The following DAB2IP variants were observed in gnomAD, a reference collection of about 807,000 sequenced individuals.
DAB2IP encodes the protein DAB2 interacting protein, also known as disabled homolog 2-interacting protein.
Under a neutral mutation model 107.2 loss-of-function variants are expected in DAB2IP, and 28 were observed. That is an observed-to-expected ratio of 0.26 (90% CI 0.19 to 0.36). DAB2IP has a LOEUF of 0.36. Among genes scored for constraint, DAB2IP ranks in the 10% least tolerant of loss-of-function variants. The probability of loss-of-function intolerance (pLI) is 1.00; values close to 1 mark genes in which losing one functional copy is unlikely to be tolerated. For missense variants in DAB2IP, 1,400 were observed against 1,644.7 expected (o/e 0.85, Z 2.57); for synonymous variants, 755 against 706.4 (o/e 1.07, Z -1.09).
rs927024222 is a variant in DAB2IP at position 121,760,330 on chromosome 9, A to G, written c.1061A>G (p.Asn354Ser). The change falls in exon 6 of 16, where the codon AAC (asparagine) becomes AGC (serine). Residue 354 changes from asparagine to serine, a missense_variant. Coordinates refer to ENST00000408936, the Ensembl canonical transcript of DAB2IP. The surrounding 1 kb of genome is among the most constrained non-coding windows in gnomAD (Gnocchi z 5.9). ...AAAGAGTTCGCTGAGCACATCACCAACCACTACCTGGGGCTGTGTGCAGCC... is the reference window on the plus strand; with the variant it reads ...AAAGAGTTCGCTGAGCACATCACCAGCCACTACCTGGGGCTGTGTGCAGCC... 1.9e-6 allele frequency: 3 copies of G among 1,613,436 alleles called. No homozygotes were observed. Among genetic ancestry groups the G allele is most frequent in the African/African-American group, 1.3e-5 (1 of 75,008 alleles).
rs1483052038 is a variant in DAB2IP at position 121,699,478 on chromosome 9, C to CGCA, written c.362+20_362+21insGCA. 2 of 1,296,184 alleles carry CGCA rather than the reference C, an allele frequency of 1.5e-6. No individual in the cohort carries two copies. The highest frequency in any genetic ancestry group is 2.0e-6 in the Non-Finnish European group (2 of 1,016,886). The allele number at this position is 1,296,184 out of a possible 1,614,324, so 80.3% of individuals were successfully genotyped here. A position where few individuals can be genotyped will look rare whatever the true frequency, so the allele number is the denominator to read the frequency against. ...TGAGAGGTGAGCCCGCCGCCGCCGC[C>CGCA]CGGTCCCCCGCGCCGCCGCCCCGGG... On this transcript the variant is annotated intron_variant, in intron 3 of 15. Transcript: ENST00000408936. The surrounding 1 kb of genome is among the most constrained non-coding windows in gnomAD (Gnocchi z 6.2).
chr9:121,649,499 C>T, upstream of DAB2IP, among the ~76,000 whole-genome samples: 2 of 102,906 alleles, frequency 1.9e-5, 1 homozygote, highest in South Asian at 9.1e-4. Flanking sequence ...CTCCCGTCCC[C>T]TCCAGGGAGG....
At chr9:121,773,358 C>G in exon 12 of DAB2IP, 5 of 1,590,368 alleles carry the variant, frequency 3.1e-6, no homozygotes, top group Non-Finnish European at 4.3e-6. Flanking sequence ...GAGCACCCTG[C>G]AGTACCCAAG....
At chr9:121,606,376 A>AATAATG (rs1830871530) in intron 1 of DAB2IP, among the ~76,000 whole-genome samples, 1 of 151,854 alleles carries the variant, frequency 6.6e-6, no homozygotes, top group Non-Finnish European at 1.5e-5. Flanking sequence ...TAATAATAAT[A>AATAATG]ATAATAATGT....
intron 13 of DAB2IP, 68 bp downstream of exon 13, chr9:121,774,480 C>G (rs1835043481): frequency 6.7e-7 from 1 of 1,485,784 alleles, no homozygotes; most frequent in South Asian, 1.4e-5. Context: ...GTAGGAGTCT[C>G]TCCCCCAGGT....
chr9:121,783,148 G>T, exon 16 of DAB2IP: 2 of 1,053,680 alleles, frequency 1.9e-6, no homozygotes, highest in South Asian at 3.4e-5. Flanking sequence ...CTCTGAACCT[G>T]TCCCCAGAGC....
intron 2 of DAB2IP, among the ~76,000 whole-genome samples, chr9:121,689,162 C>T (rs1366226903): frequency 6.6e-6 from 1 of 152,068 alleles, no homozygotes; most frequent in Non-Finnish European, 1.5e-5. Context: ...GGCGTGGTAG[C>T]GCATGCCTGT....
chr9:121,686,804 G>A (rs1365424888), intron 2 of DAB2IP, among the ~76,000 whole-genome samples: 1 of 152,172 alleles, frequency 6.6e-6, no homozygotes, highest in Non-Finnish European at 1.5e-5. Context: ...CTTGTGTGAG[G>A]GGTGCACCTC....
chr9:121,608,017 C>A (rs142711756), intron 1 of DAB2IP, among the ~76,000 whole-genome samples: 2 of 152,240 alleles, frequency 1.3e-5, no homozygotes, highest in South Asian at 2.1e-4. Context: ...GCGCTGCTTC[C>A]GGGAGGAGAG....
chr9:121,622,145 C>G (rs560730283), intron 1 of DAB2IP, among the ~76,000 whole-genome samples: 1 of 151,868 alleles, frequency 6.6e-6, no homozygotes, highest in Non-Finnish European at 1.5e-5. Context: ...TGTGCCACCA[C>G]GCTCGGCTAA....
intron 1 of DAB2IP, among the ~76,000 whole-genome samples, chr9:121,637,936 G>C (rs889391783): frequency 2.6e-5 from 4 of 152,170 alleles, no homozygotes; most frequent in African/African-American, 7.2e-5. Flanking sequence ...GCAGGTTCAT[G>C]ATGCACGAGG....
At chr9:121,770,833 C>G (rs560426250) in intron 11 of DAB2IP, 109 bp downstream of exon 11, 19 of 1,402,746 alleles carry the variant, frequency 1.4e-5, no homozygotes, top group Non-Finnish European at 1.6e-5. Flanking sequence ...GTTTATAAAA[C>G]AAGCCTGGCA....
chr9:121,643,962 G>C (rs1445879157), intron 1 of DAB2IP, among the ~76,000 whole-genome samples: 2 of 152,184 alleles, frequency 1.3e-5, no homozygotes, highest in Non-Finnish European at 2.9e-5. Flanking sequence ...AAGGCCAGGA[G>C]TTCGAGACCA....
At chr9:121,750,728 G>A (rs142092903) in intron 3 of DAB2IP, among the ~76,000 whole-genome samples, 1 of 152,182 alleles carries the variant, frequency 6.6e-6, no homozygotes, top group African/African-American at 2.4e-5. Flanking sequence ...TGTAAGTTTC[G>A]GTTTGGGGTC....
At chr9:121,753,702 G>A (rs1318002638) in intron 3 of DAB2IP, among the ~76,000 whole-genome samples, 1 of 152,212 alleles carries the variant, frequency 6.6e-6, no homozygotes, top group Non-Finnish European at 1.5e-5. Context: ...AAAAAGGGAT[G>A]TGCAAGTGAC....
intron 14 of DAB2IP, among the ~76,000 whole-genome samples, chr9:121,778,741 T>C (rs1835385138): frequency 6.6e-6 from 1 of 152,236 alleles, no homozygotes; most frequent in South Asian, 2.1e-4. Flanking sequence ...ACTATTTGTG[T>C]GAGATGGCTA....
chr9:121,766,355 C>T (rs951362090), intron 8 of DAB2IP, 139 bp from the exon 9 acceptor site: 11 of 757,136 alleles, frequency 1.5e-5, no homozygotes, highest in African/African-American at 8.7e-5. Context: ...TGGCTGTGTC[C>T]TCAGAGCTCA....
intron 3 of DAB2IP, among the ~76,000 whole-genome samples, chr9:121,719,248 G>A (rs1830784576): frequency 6.6e-6 from 1 of 152,222 alleles, no homozygotes; most frequent in South Asian, 2.1e-4. Context: ...TGTACCCAAG[G>A]ACACGTAAGA....
chr9:121,635,550 G>A lies in DAB2IP; in HGVS notation c.41-43128G>A, dbSNP rs1832056795. Reference sequence around the variant, plus strand: ...GAGTGAAGGAGGCACTGGCTTTGCTGCCAACATGGCCTGTCTGCAGGGAAG... The same window carrying A: ...GAGTGAAGGAGGCACTGGCTTTGCTACCAACATGGCCTGTCTGCAGGGAAG... On this transcript the variant is annotated intron_variant, in intron 1 of 16. Transcript: ENST00000259371. This position sits in a 1 kb window ranked among gnomAD's most constrained non-coding sequence, Gnocchi z 4.3. Among the ~76,000 whole-genome samples, 1 of 152,100 alleles carries A rather than the reference G, an allele frequency of 6.6e-6. No homozygotes were observed. The highest frequency in any genetic ancestry group is 2.4e-5 in the African/African-American group (1 of 41,418).
Sources: allele counts gnomAD v4.1 joint callset (sites outside exome capture counted in the v4.1 genomes callset), GRCh38; gene constraint gnomAD v4.1.1; non-coding constraint Gnocchi (gnomAD v3.1); transcripts MANE v1.5; gene names NCBI Gene and HGNC (gene_info 2026-07-23, HGNC 2026-07-21).